The following REDIC1 variants were observed in gnomAD, a reference collection of about 807,000 sequenced individuals.
REDIC1 encodes the protein regulator of DNA class I crossover intermediates 1, also known as HEI10 Interacting Protein 1.
At chr12:39,660,952 C>T in the REDIC1 span, among the ~76,000 whole-genome samples, 1 of 151,988 alleles carries the variant, frequency 6.6e-6, no homozygotes, top group East Asian at 1.9e-4. Context: ...ATTTCACTTC[C>T]AGTTCCACCC....
At chr12:39,870,863 G>A in the REDIC1 span, among the ~76,000 whole-genome samples, 1 of 152,126 alleles carries the variant, frequency 6.6e-6, no homozygotes. Context: ...AACTGGGTTT[G>A]GAACTTAGAA....
chr12:39,837,919 G>A, the REDIC1 span, among the ~76,000 whole-genome samples: 1 of 150,968 alleles, frequency 6.6e-6, no homozygotes, highest in East Asian at 2.0e-4. Flanking sequence ...CAACCATTGT[G>A]GAAGTCAGTG....
the REDIC1 span, among the ~76,000 whole-genome samples, chr12:39,891,985 T>C: frequency 6.6e-6 from 1 of 152,222 alleles, no homozygotes; most frequent in African/African-American, 2.4e-5. Context: ...ATTTTTTTAC[T>C]AGGTTTAATC....
chr12:39,873,839 AC>A, the REDIC1 span, among the ~76,000 whole-genome samples: 1 of 152,190 alleles, frequency 6.6e-6, no homozygotes, highest in South Asian at 2.1e-4. Flanking sequence ...TCAGAATGTA[AC>A]CAAAAACTGA....
chr12:39,711,719 ATG>A, the REDIC1 span, among the ~76,000 whole-genome samples: 31 of 11,670 alleles, frequency 2.7e-3, 2 homozygotes, highest in African/African-American at 5.9e-3. Context: ...ATGCATGTGT[ATG>A]CACATGCATG....
the REDIC1 span, among the ~76,000 whole-genome samples, chr12:39,900,603 A>G: frequency 2.6e-5 from 4 of 152,190 alleles, no homozygotes; most frequent in African/African-American, 9.7e-5. Context: ...TTCAAAGAGA[A>G]TAAAATACCT....
chr12:39,716,232 A>G, the REDIC1 span, among the ~76,000 whole-genome samples: 1 of 152,160 alleles, frequency 6.6e-6, no homozygotes, highest in Admixed American at 6.6e-5. Flanking sequence ...CATGACCTAC[A>G]TCTCAATCCC....
the REDIC1 span, among the ~76,000 whole-genome samples, chr12:39,821,867 C>A: frequency 6.6e-6 from 1 of 151,874 alleles, no homozygotes; most frequent in Admixed American, 6.6e-5. Flanking sequence ...ATCGATCACA[C>A]GTGCCAAGAA....
the REDIC1 span, among the ~76,000 whole-genome samples, chr12:39,729,856 A>G: frequency 2.6e-5 from 4 of 152,256 alleles, no homozygotes; most frequent in African/African-American, 7.2e-5. Flanking sequence ...TATTGGGTGC[A>G]TATATATTTA....
chr12:39,650,461 T>C, the REDIC1 span: 3 of 1,390,260 alleles, frequency 2.2e-6, no homozygotes, highest in Non-Finnish European at 2.8e-6. This position sits in a 1 kb window ranked among gnomAD's most constrained non-coding sequence, Gnocchi z 4.3. Context: ...ATATAAACAG[T>C]CCTAAGTAAT....
At chr12:39,649,636 A>G in the REDIC1 span, among the ~76,000 whole-genome samples, 8 of 124,958 alleles carry the variant, frequency 6.4e-5, no homozygotes, top group South Asian at 2.4e-4. Flanking sequence ...TCTCATTTCT[A>G]TGTTTCATGA....
At chr12:39,734,236 A>G in the REDIC1 span, among the ~76,000 whole-genome samples, 1 of 152,138 alleles carries the variant, frequency 6.6e-6, no homozygotes, top group Non-Finnish European at 1.5e-5. Flanking sequence ...CATGGGCTGC[A>G]TGCACTGTCT....
chr12:39,865,836 C>T, the REDIC1 span, among the ~76,000 whole-genome samples: 94,673 of 152,020 alleles, frequency 0.62, 29,775 homozygotes, highest in East Asian at 0.76. Context: ...TAAAAACACA[C>T]GGATACAATG....
At chr12:39,896,444 G>GTA in the REDIC1 span, among the ~76,000 whole-genome samples, 1 of 139,536 alleles carries the variant, frequency 7.2e-6, no homozygotes, top group Non-Finnish European at 1.5e-5. Context: ...ATACATATAT[G>GTA]TATATGTGTG....
the REDIC1 span, among the ~76,000 whole-genome samples, chr12:39,711,713 A>ATGTG: frequency 4.1e-3 from 46 of 11,334 alleles, no homozygotes; most frequent in East Asian, 8.7e-3. Context: ...ATACACATGC[A>ATGTG]TGTGTATGCA....
the REDIC1 span, among the ~76,000 whole-genome samples, chr12:39,840,362 C>T: frequency 6.6e-6 from 1 of 152,030 alleles, no homozygotes; most frequent in African/African-American, 2.4e-5. Flanking sequence ...TCTACACTGC[C>T]TCAAATCTAA....
chr12:39,751,685 A>T, the REDIC1 span, among the ~76,000 whole-genome samples: 1 of 152,238 alleles, frequency 6.6e-6, no homozygotes, highest in Admixed American at 6.5e-5. Context: ...GGATTAAGAA[A>T]ATGTGGCACG....
At chr12:39,732,588 T>C in the REDIC1 span, among the ~76,000 whole-genome samples, 2 of 152,232 alleles carry the variant, frequency 1.3e-5, no homozygotes, top group Non-Finnish European at 2.9e-5. Flanking sequence ...CTCCATCTAC[T>C]ATTAAGATAC....
chr12:39,712,697 G>A, the REDIC1 span, among the ~76,000 whole-genome samples: 14 of 3,860 alleles, frequency 3.6e-3, no homozygotes, highest in South Asian at 0.034. Context: ...ATACGTATAC[G>A]TGTATATATG....
Sources: allele counts gnomAD v4.1 joint callset (sites outside exome capture counted in the v4.1 genomes callset), GRCh38; gene constraint gnomAD v4.1.1; non-coding constraint Gnocchi (gnomAD v3.1); transcripts MANE v1.5; gene names NCBI Gene and HGNC (gene_info 2026-07-23, HGNC 2026-07-21).